C16orf78: variants seen among roughly 807,000 people sequenced by gnomAD.
The protein encoded by C16orf78 is chromosome 16 open reading frame 78.
C16orf78 carries 19 observed loss-of-function variants against 27.3 expected under a neutral mutation model. The observed-to-expected ratio is 0.70, with a 90% CI of 0.49 to 1.02. The LOEUF (loss-of-function observed/expected upper bound fraction) is 1.02, where lower values mean the gene tolerates loss of function less well. Ranked by LOEUF, C16orf78 falls within the 50% of genes least tolerant of loss-of-function variation. C16orf78 has a pLI of 0.00. For missense variants in C16orf78, 339 were observed against 337.0 expected (o/e 1.01, Z -0.05); for synonymous variants, 130 against 116.1 (o/e 1.12, Z -0.77).
chr16:49,389,052 C>T (rs928481349), intron 3 of C16orf78, among the ~76,000 whole-genome samples: 1 of 152,206 alleles, frequency 6.6e-6, no homozygotes, highest in African/African-American at 2.4e-5. Flanking sequence ...CTTTCTCTTT[C>T]TTCTTTTCCT....
chr16:49,374,181 A>C, intron 1 of C16orf78, 92 bp downstream of exon 1: 1 of 1,495,386 alleles, frequency 6.7e-7, no homozygotes, highest in Non-Finnish European at 9.0e-7. Flanking sequence ...CTGAAACAAA[A>C]GGCGGGATGG....
At chr16:49,378,662 A>G in intron 3 of C16orf78, 69 bp downstream of exon 3, 1 of 1,596,598 alleles carries the variant, frequency 6.3e-7, no homozygotes, top group Non-Finnish European at 8.5e-7. Flanking sequence ...GAAGAAACCG[A>G]AAGCTCACGC....
chr16:49,386,387 C>T (rs1012557571), intron 3 of C16orf78, among the ~76,000 whole-genome samples: 6 of 152,208 alleles, frequency 3.9e-5, no homozygotes, highest in Non-Finnish European at 8.8e-5. Context: ...CATCAAAATA[C>T]AGATTCTTCT....
At chr16:49,392,629 T>C (rs940116433) in intron 3 of C16orf78, among the ~76,000 whole-genome samples, 2 of 152,190 alleles carry the variant, frequency 1.3e-5, no homozygotes, top group Non-Finnish European at 2.9e-5. Flanking sequence ...GGTAAATAAA[T>C]AAAACAAAAC....
At chr16:49,375,318 G>C (rs1016068030) in intron 1 of C16orf78, among the ~76,000 whole-genome samples, 2 of 151,858 alleles carry the variant, frequency 1.3e-5, no homozygotes, top group East Asian at 1.9e-4. Flanking sequence ...ACCTGAGACT[G>C]GGTCATTTAT....
rs764065310 is a variant in C16orf78, at chr16:49,373,979, A to C, written c.40A>C (p.Thr14Pro). The change falls in exon 1 of 5, where the codon ACA becomes CCA. Residue 14 changes from threonine to proline, a missense_variant. Coordinates refer to ENST00000299191, the MANE Select transcript of C16orf78 (RefSeq NM_144602.4). The stretch of plus-strand genomic sequence containing the variant: ...AATGGACCTGAAGGATTTAATGCCC[A>C]CAAAGAGGAAATACATGTGGAAGAC... ...QQMDLKDLMPTKRKYMWKTAE... is the reference protein window; with the variant it reads ...QQMDLKDLMPPKRKYMWKTAE... The C allele has an allele frequency of 6.8e-6, 11 of 1,614,232 alleles. No individual in the cohort carries two copies. Among genetic ancestry groups the C allele is most frequent in the Non-Finnish European group, 9.3e-6 (11 of 1,180,032 alleles).
At chr16:49,378,163 G>A (rs925715759) in intron 2 of C16orf78, among the ~76,000 whole-genome samples, 4 of 152,200 alleles carry the variant, frequency 2.6e-5, no homozygotes, top group Admixed American at 1.3e-4. Flanking sequence ...AGGGACAAGA[G>A]CCTCCTGGCC....
intron 3 of C16orf78, among the ~76,000 whole-genome samples, chr16:49,384,368 A>AAAAG (rs1567391927): frequency 2.8e-4 from 40 of 143,224 alleles, no homozygotes; most frequent in Non-Finnish European, 2.7e-4. Flanking sequence ...AAAAAAAAAA[A>AAAAG]GCAGAAAACT....
In C16orf78 at chr16:49,377,834, C is replaced by G; in HGVS notation, c.254C>G (p.Thr85Arg). Residue 85 changes from threonine to arginine, a missense_variant, in exon 2 of 5, where the codon ACG (threonine) becomes AGG (arginine). Physicochemically the swap from Thr to Arg is moderately conservative, Grantham distance 71 (BLOSUM62 -1). Coordinates refer to ENST00000299191, the MANE Select transcript of C16orf78 (RefSeq NM_144602.4). ...MTARGGNRRD[T>R]ETSQQALGKR... Reference sequence around the variant, plus strand: ...GCACGGGGAGGGAACCGCAGGGACACGGAGACTTCCCAGCAGGTAATGCAG... The same window carrying G: ...GCACGGGGAGGGAACCGCAGGGACAGGGAGACTTCCCAGCAGGTAATGCAG... The G allele has an allele frequency of 6.3e-7, 1 of 1,577,878 alleles. No homozygotes were observed. The highest frequency in any genetic ancestry group is 1.2e-5 in the South Asian group (1 of 86,124).
chr16:49,376,723 T>C (rs1034948700), intron 1 of C16orf78, among the ~76,000 whole-genome samples: 5 of 151,944 alleles, frequency 3.3e-5, no homozygotes, highest in African/African-American at 1.2e-4. Context: ...GCATTGCACA[T>C]GCATGTCGTA....
intron 3 of C16orf78, among the ~76,000 whole-genome samples, chr16:49,390,094 T>A (rs1418175262): frequency 6.6e-6 from 1 of 152,208 alleles, no homozygotes; most frequent in South Asian, 2.1e-4. Context: ...GTCCTCTAGC[T>A]TGTTTGCAAT....
At chr16:49,376,277 G>A (rs1965216751) in intron 1 of C16orf78, among the ~76,000 whole-genome samples, 1 of 152,230 alleles carries the variant, frequency 6.6e-6, no homozygotes. Context: ...TTTGGCATCA[G>A]CGAAGACCCC....
At chr16:49,382,739 A>T (rs187442241) in intron 3 of C16orf78, among the ~76,000 whole-genome samples, 1 of 152,248 alleles carries the variant, frequency 6.6e-6, no homozygotes, top group Admixed American at 6.5e-5. Flanking sequence ...CATCCTGGAC[A>T]CCTTGCTTTC....
intron 3 of C16orf78, among the ~76,000 whole-genome samples, chr16:49,387,891 T>C (rs1190708126): frequency 6.6e-6 from 1 of 152,204 alleles, no homozygotes; most frequent in Non-Finnish European, 1.5e-5. Context: ...GTGGGGTCAG[T>C]GGTAATATCT....
chr16:49,383,652 A>G (rs1965313047), intron 3 of C16orf78, among the ~76,000 whole-genome samples: 1 of 152,200 alleles, frequency 6.6e-6, no homozygotes, highest in South Asian at 2.1e-4. Flanking sequence ...TTCAACTTCT[A>G]TGACTGCCAC....
chr16:49,388,053 G>T (rs1408271894), intron 3 of C16orf78, among the ~76,000 whole-genome samples: 11 of 152,144 alleles, frequency 7.2e-5, no homozygotes, highest in Admixed American at 5.2e-4. Context: ...GGGAGGCCGA[G>T]ACAGGCAGAT....
intron 3 of C16orf78, among the ~76,000 whole-genome samples, chr16:49,386,341 A>C (rs1965350768): frequency 6.6e-6 from 1 of 152,258 alleles, no homozygotes. Context: ...GAACAAAACT[A>C]TAGACCAAAT....
chr16:49,399,060 C>A, intron 4 of C16orf78, 71 bp from the exon 5 acceptor site: 1 of 1,522,326 alleles, frequency 6.6e-7, no homozygotes, highest in East Asian at 2.3e-5. Flanking sequence ...CAAATCTAAG[C>A]TCTTTTCAAT....
In C16orf78 at chr16:49,397,278, T is replaced by A. The variant is rs78316579; in HGVS notation, c.650+600T>A. On this transcript the variant is annotated intron_variant, in intron 4 of 4. Coordinates refer to ENST00000299191, the MANE Select transcript of C16orf78 (RefSeq NM_144602.4). ...AGCATCCCTCTCCCTAGCCCAGTGT[T>A]TTCCTTTACTGTAAAGTTGTAACTG... 5.8e-3 allele frequency among the ~76,000 whole-genome samples: 878 copies of A among 152,346 alleles called. 10 individuals are homozygous for A. The highest frequency in any genetic ancestry group is 0.02 in the African/African-American group (844 of 41,586).
Sources: gnomAD v4.1 joint callset for allele counts (sites outside exome capture counted in the v4.1 genomes callset) on GRCh38, gnomAD v4.1.1 for gene constraint, MANE v1.5 for transcripts, NCBI Gene and HGNC (gene_info 2026-07-23, HGNC 2026-07-21) for gene names.